Variants in SHISA9 observed in about 807,000 individuals in gnomAD.
SHISA9 encodes the protein protein shisa-9.
A neutral mutation model predicts 38.0 loss-of-function variants in SHISA9; 13 were observed. The observed-to-expected ratio is 0.34, with a 90% CI of 0.22 to 0.54. The LOEUF (loss-of-function observed/expected upper bound fraction) is 0.54, where lower values mean the gene tolerates loss of function less well. Ranked by LOEUF, SHISA9 falls within the 20% of genes least tolerant of loss-of-function variation. SHISA9 has a pLI of 0.91. For synonymous variants in SHISA9, 275 were observed against 242.0 expected (o/e 1.14, Z -1.27); for missense variants, 538 against 575.8 (o/e 0.93, Z 0.67).
chr16:13,193,184 A>C (rs1315175549), intron 2 of SHISA9, among the ~76,000 whole-genome samples: 3 of 152,180 alleles, frequency 2.0e-5, no homozygotes, highest in Admixed American at 6.5e-5. Flanking sequence ...TAGTTTTGCC[A>C]ACAGACAACC....
chr16:13,414,538 A>G, the SHISA9 span, among the ~76,000 whole-genome samples: 2 of 152,214 alleles, frequency 1.3e-5, no homozygotes, highest in African/African-American at 2.4e-5. Flanking sequence ...TCAGAGAAGT[A>G]AAAAGACTGG....
the SHISA9 span, among the ~76,000 whole-genome samples, chr16:13,514,052 T>G: frequency 3.3e-5 from 5 of 152,148 alleles, no homozygotes; most frequent in Non-Finnish European, 7.3e-5. Context: ...TGGAGTGCAG[T>G]GGCATGATCT....
At chr16:13,443,374 C>T in the SHISA9 span, among the ~76,000 whole-genome samples, 1 of 152,110 alleles carries the variant, frequency 6.6e-6, no homozygotes, top group African/African-American at 2.4e-5. Flanking sequence ...GTTTGAATTC[C>T]AATTTGGCTT....
intron 2 of SHISA9, among the ~76,000 whole-genome samples, chr16:12,951,974 G>A (rs1295364847): frequency 6.6e-6 from 1 of 152,246 alleles, no homozygotes; most frequent in Non-Finnish European, 1.5e-5. Flanking sequence ...GGCATTTGAA[G>A]ATGCTACTTG....
chr16:13,481,343 T>A, the SHISA9 span, among the ~76,000 whole-genome samples: 1 of 152,234 alleles, frequency 6.6e-6, no homozygotes, highest in Non-Finnish European at 1.5e-5. Context: ...TCTAGCTATT[T>A]GGAAAAAGTA....
At chr16:13,094,553 G>T (rs1352257834) in intron 2 of SHISA9, among the ~76,000 whole-genome samples, 1 of 152,134 alleles carries the variant, frequency 6.6e-6, no homozygotes, top group Non-Finnish European at 1.5e-5. Flanking sequence ...TTTTCTCAAA[G>T]TCGGAGGGAA....
At chr16:13,396,325 G>A in the SHISA9 span, among the ~76,000 whole-genome samples, 9 of 152,176 alleles carry the variant, frequency 5.9e-5, no homozygotes, top group Non-Finnish European at 8.8e-5. Context: ...TGGCCAACAT[G>A]GCGAAACCCC....
At chr16:13,026,267 T>C (rs2072920940) in intron 2 of SHISA9, among the ~76,000 whole-genome samples, 1 of 152,120 alleles carries the variant, frequency 6.6e-6, no homozygotes, top group South Asian at 2.1e-4. Context: ...ACCCTTCTAC[T>C]TTCTGTTTCT....
intron 3 of SHISA9, among the ~76,000 whole-genome samples, chr16:13,210,540 A>C (rs1489618053): frequency 6.6e-6 from 1 of 152,256 alleles, no homozygotes; most frequent in Non-Finnish European, 1.5e-5. Flanking sequence ...TTGAAACAAC[A>C]GCAACAATAC....
chr16:13,262,603 G>C, the SHISA9 span, among the ~76,000 whole-genome samples: 3 of 139,296 alleles, frequency 2.2e-5, no homozygotes, highest in African/African-American at 5.4e-5. Flanking sequence ...CTGGCCCGGT[G>C]AGTAAGTTCT....
chr16:13,289,179 C>A, the SHISA9 span, among the ~76,000 whole-genome samples: 1 of 152,190 alleles, frequency 6.6e-6, no homozygotes, highest in South Asian at 2.1e-4. Flanking sequence ...TCCTAGCCCA[C>A]CCTCCTCTCC....
intron 2 of SHISA9, among the ~76,000 whole-genome samples, chr16:12,977,493 T>G (rs1192941242): frequency 6.6e-6 from 1 of 152,122 alleles, no homozygotes; most frequent in Non-Finnish European, 1.5e-5. Context: ...TAGAAATCAT[T>G]CTATCATGAA....
At chr16:13,211,704 T>C (rs2051121662) in intron 3 of SHISA9, among the ~76,000 whole-genome samples, 9 of 152,206 alleles carry the variant, frequency 5.9e-5, no homozygotes, top group Admixed American at 5.9e-4. Context: ...AACTTATAAA[T>C]GAAAATTCAT....
chr16:12,980,570 ATG>A, intron 2 of SHISA9, among the ~76,000 whole-genome samples: 1 of 144,174 alleles, frequency 6.9e-6, no homozygotes, highest in East Asian at 2.1e-4. Context: ...GTGTCTAAAT[ATG>A]TTTTTTTTTT....
In SHISA9 at chr16:13,087,062, T is replaced by G. The variant is rs1596639149; in HGVS notation, c.692-116332T>G. Among the ~76,000 whole-genome samples the G allele has an allele frequency of 2.2e-5, 3 of 138,098 alleles. No individual in the cohort carries two copies. In the South Asian group the frequency reaches 7.5e-4, roughly 34 times the overall value. The allele number at this position is 138,098 out of a possible 152,430, so 90.6% of individuals were successfully genotyped here. A position where few individuals can be genotyped will look rare whatever the true frequency, so the allele number is the denominator to read the frequency against. On this transcript the variant is annotated intron_variant, in intron 2 of 4. Transcript: ENST00000558583. ...CCCACCTATGAGTGAGAACATGCGG[T>G]GTTTGGTTTTCTGTCCTTGTGATAG...
chr16:13,123,036 G>A (rs1230792439), intron 2 of SHISA9, among the ~76,000 whole-genome samples: 1 of 152,090 alleles, frequency 6.6e-6, no homozygotes, highest in Non-Finnish European at 1.5e-5. Context: ...GACAGAGCAA[G>A]ACTCCATCTC....
chr16:12,920,636 C>G (rs559110716), intron 2 of SHISA9, among the ~76,000 whole-genome samples: 2 of 152,084 alleles, frequency 1.3e-5, no homozygotes, highest in African/African-American at 2.4e-5. Context: ...CTACTATGTA[C>G]CAGCAAACAT....
intron 2 of SHISA9, among the ~76,000 whole-genome samples, chr16:12,982,197 G>A (rs962986481): frequency 2.6e-5 from 4 of 152,208 alleles, no homozygotes; most frequent in African/African-American, 9.6e-5. Context: ...AGAGCTCACA[G>A]CTTAACTGCT....
the SHISA9 span, among the ~76,000 whole-genome samples, chr16:13,401,111 C>T: frequency 6.6e-6 from 1 of 152,188 alleles, no homozygotes; most frequent in East Asian, 1.9e-4. Flanking sequence ...GTGAGATGAC[C>T]ATCCCACAGA....
Sources: allele counts gnomAD v4.1 joint callset (sites outside exome capture counted in the v4.1 genomes callset), GRCh38; gene constraint gnomAD v4.1.1; transcripts MANE v1.5; gene names NCBI Gene and HGNC (gene_info 2026-07-23, HGNC 2026-07-21).